Variants in CSMD2 observed in about 807,000 individuals in gnomAD.
CSMD2 encodes the protein CUB and Sushi multiple domains 2.
A neutral mutation model predicts 398.5 loss-of-function variants in CSMD2; 130 were observed. That is an observed-to-expected ratio of 0.33 (90% CI 0.28 to 0.38). CSMD2 has a LOEUF of 0.38. CSMD2 is among the 10% of genes least tolerant of loss of function. The pLI, the probability that CSMD2 is intolerant of heterozygous loss-of-function variation, is 1.00. For missense variants in CSMD2, 3,829 were observed against 4,764.9 expected, an observed-to-expected ratio of 0.80 and a Z score of 5.78; for synonymous variants, 1,828 against 1,908.5, an observed-to-expected ratio of 0.96 and a Z score of 1.10.
chr1:33,913,079 TG>T (rs1643544099), intron 5 of CSMD2, among the ~76,000 whole-genome samples: 1 of 152,188 alleles, frequency 6.6e-6, no homozygotes, highest in Non-Finnish European at 1.5e-5. Context: ...CCCAAAGTCT[TG>T]GGATTACAGG....
chr1:33,977,666 T>C (rs1646018657), intron 3 of CSMD2, among the ~76,000 whole-genome samples: 1 of 151,884 alleles, frequency 6.6e-6, no homozygotes, highest in Admixed American at 6.6e-5. Context: ...TGCCAGCTCC[T>C]GCTCCTGCTG....
chr1:33,641,494 CTG>C, intron 29 of CSMD2, among the ~76,000 whole-genome samples: 1 of 152,338 alleles, frequency 6.6e-6, no homozygotes, highest in African/African-American at 2.4e-5. Flanking sequence ...ATTTTGGTAA[CTG>C]TATCCAAAAC....
Position 33,519,806 on chromosome 1 carries a change from C to T in CSMD2, c.10736+6G>A, listed in dbSNP as rs376968534. The T allele has an allele frequency of 1.7e-5, 28 of 1,613,668 alleles. 1 individual carries two copies. The East Asian group carries it at 3.6e-4, about 21-fold the overall frequency. Reference sequence around the variant, plus strand: ...ATGCCCGCCCTGCCTCCTTCCTGCACGGTACCTGTGCTTGTAGAGATAGAG... The same window carrying T: ...ATGCCCGCCCTGCCTCCTTCCTGCATGGTACCTGTGCTTGTAGAGATAGAG... On this transcript the variant is annotated splice_donor_region_variant and intron_variant, in intron 69 of 70. Coordinates refer to ENST00000373381, the MANE Select transcript of CSMD2 (RefSeq NM_001281956.2). This position sits in a 1 kb window ranked among gnomAD's most constrained non-coding sequence, Gnocchi z 5.6.
At position 33,767,949 on chromosome 1, in the gene CSMD2, G is replaced by A. The variant is rs545285105; in HGVS notation, c.1846+4620C>T. Among the ~76,000 whole-genome samples, 3 of 152,290 alleles carry A rather than the reference G, an allele frequency of 2.0e-5. No individual in the cohort carries two copies. The South Asian group carries it at 6.2e-4, about 32-fold the overall frequency. ...AGCAAGAACCTGGGTGCAAATTGCT[G>A]CTCTGTTAATTAACAGCTCAAATTC... On this transcript the variant is annotated intron_variant, in intron 13 of 70. Transcript: ENST00000373381.
At chr1:33,909,760 G>T (rs911217) in intron 5 of CSMD2, among the ~76,000 whole-genome samples, 2 of 152,184 alleles carry the variant, frequency 1.3e-5, no homozygotes, top group African/African-American at 2.4e-5. Flanking sequence ...GCTTTCAGGT[G>T]TAGCTGTTGA....
At position 33,540,654 on chromosome 1, in the gene CSMD2, C is replaced by G. The variant is rs780786759; in HGVS notation, c.9502G>C (p.Val3168Leu). 6.2e-7 allele frequency: 1 copy of G among 1,614,218 alleles called. No homozygotes were observed. Among genetic ancestry groups the G allele is most frequent in the Admixed American group, 1.7e-5 (1 of 60,026 alleles). Residue 3168 changes from valine (V) to leucine (L), a missense_variant, in exon 60 of 71, where the codon GTG becomes CTG. Coordinates refer to ENST00000373381, the MANE Select transcript of CSMD2 (RefSeq NM_001281956.2). Reference sequence around the variant, plus strand: ...GAGCCCCACATGAAGTCAGACCCCACCACCTTCCCATTGGGGATGAGCGGA... The same window carrying G: ...GAGCCCCACATGAAGTCAGACCCCAGCACCTTCCCATTGGGGATGAGCGGA... ...PPPLIPNGKV[V>L]GSDFMWGSSV...
At chr1:33,699,649 T>A (rs972351974) in intron 23 of CSMD2, among the ~76,000 whole-genome samples, 3 of 152,220 alleles carry the variant, frequency 2.0e-5, no homozygotes, top group Non-Finnish European at 2.9e-5. Context: ...GAAACCTGAC[T>A]ATACTCCGTG....
At chr1:34,007,394 T>C (rs755281187) in intron 3 of CSMD2, among the ~76,000 whole-genome samples, 1 of 152,184 alleles carries the variant, frequency 6.6e-6, no homozygotes, top group Non-Finnish European at 1.5e-5. Context: ...GGGCAATCCC[T>C]CAAGATTGGC....
At chr1:34,159,691 A>G (rs545370505) in intron 1 of CSMD2, among the ~76,000 whole-genome samples, 69 of 152,322 alleles carry the variant, frequency 4.5e-4, no homozygotes, top group African/African-American at 1.6e-3. Flanking sequence ...TGGGTTGCTG[A>G]GAGGATTGAG....
intron 37 of CSMD2, 68 bp downstream of exon 37, chr1:33,622,099 C>T (rs1641809690): frequency 1.7e-6 from 2 of 1,156,968 alleles, no homozygotes; most frequent in African/African-American, 3.0e-5. Flanking sequence ...AATCCTTGCT[C>T]AGAAGGGGCT....
chr1:34,092,399 G>A (rs1658677401), intron 1 of CSMD2, among the ~76,000 whole-genome samples: 1 of 152,164 alleles, frequency 6.6e-6, no homozygotes, highest in Non-Finnish European at 1.5e-5. Context: ...TTGTCGGGGG[G>A]AGGAGCCAAG....
intron 5 of CSMD2, among the ~76,000 whole-genome samples, chr1:33,893,208 T>C (rs1642148471): frequency 6.6e-6 from 1 of 152,150 alleles, no homozygotes; most frequent in African/African-American, 2.4e-5. Context: ...TAAAATTACT[T>C]ATAAGAAAGG....
At chr1:33,946,739 C>T (rs1644850372) in intron 3 of CSMD2, among the ~76,000 whole-genome samples, 1 of 151,830 alleles carries the variant, frequency 6.6e-6, no homozygotes, top group Non-Finnish European at 1.5e-5. Context: ...CTGCCTCAGC[C>T]TCCTGAGTAA....
chr1:33,997,738 G>A (rs1393936039), intron 3 of CSMD2, among the ~76,000 whole-genome samples: 2 of 152,030 alleles, frequency 1.3e-5, no homozygotes, highest in East Asian at 3.9e-4. Flanking sequence ...GAGAGTTGGA[G>A]GGGAGAAAGA....
chr1:33,553,533 A>G (rs1422363711), intron 55 of CSMD2, among the ~76,000 whole-genome samples: 1 of 152,172 alleles, frequency 6.6e-6, no homozygotes, highest in East Asian at 1.9e-4. Context: ...TAATAGCCCT[A>G]TGATGTCCTC....
chr1:33,947,504 C>T (rs1644874840), intron 3 of CSMD2, among the ~76,000 whole-genome samples: 2 of 152,198 alleles, frequency 1.3e-5, no homozygotes, highest in Non-Finnish European at 2.9e-5. Flanking sequence ...ACCTCACAGC[C>T]ATCTCTCTTA....
chr1:34,122,104 G>A (rs866553303), intron 1 of CSMD2, among the ~76,000 whole-genome samples: 3 of 151,536 alleles, frequency 2.0e-5, no homozygotes, highest in Non-Finnish European at 2.9e-5. Flanking sequence ...ATTTGGGGGC[G>A]ATTTTGTTCC....
At chr1:33,871,334 G>A (rs1640445407) in intron 5 of CSMD2, among the ~76,000 whole-genome samples, 1 of 152,212 alleles carries the variant, frequency 6.6e-6, no homozygotes, top group South Asian at 2.1e-4. Flanking sequence ...GACAATTGAA[G>A]ACACTGTAGA....
chr1:33,682,796 G>C (rs1481951222), intron 25 of CSMD2, among the ~76,000 whole-genome samples: 2 of 152,106 alleles, frequency 1.3e-5, no homozygotes, highest in Non-Finnish European at 2.9e-5. Flanking sequence ...CCAAGGTCTA[G>C]AGCCCCGAAT....
Sources: gnomAD v4.1 joint callset for allele counts (sites outside exome capture counted in the v4.1 genomes callset) on GRCh38, gnomAD v4.1.1 for gene constraint, Gnocchi (gnomAD v3.1) non-coding constraint, MANE v1.5 for transcripts, NCBI Gene and HGNC (gene_info 2026-07-23, HGNC 2026-07-21) for gene names.